The following UBASH3B variants were observed in gnomAD, a reference collection of about 807,000 sequenced individuals.
UBASH3B encodes the protein ubiquitin-associated and SH3 domain-containing protein B.
A neutral mutation model predicts 83.4 loss-of-function variants in UBASH3B; 37 were observed. The observed-to-expected ratio is 0.44, with a 90% CI of 0.34 to 0.58. The LOEUF (loss-of-function observed/expected upper bound fraction) is 0.58. Ranked by LOEUF, UBASH3B falls within the 20% of genes least tolerant of loss-of-function variation. The pLI is 0.01. For synonymous variants in UBASH3B, 304 were observed against 318.3 expected (o/e 0.96, Z 0.48); for missense variants, 657 against 827.2 (o/e 0.79, Z 2.52).
In UBASH3B at chr11:122,776,251, G is replaced by A. The variant is rs773317341; in HGVS notation, c.194G>A (p.Ser65Asn). Residue 65 changes from serine (S) to asparagine (N), a missense_variant, in exon 2 of 14, where the codon AGT (serine) becomes AAT (asparagine). Coordinates refer to ENST00000284273, the MANE Select transcript of UBASH3B (RefSeq NM_032873.5). ...QKALASTGGR[S>N]VQAACDWLFS... is the part of the protein sequence containing the mutation. ...GCCTTGGCATCCACGGGAGGAAGAA[G>A]TGTTCAGGCAGCATGTGACTGGTTG... The A allele has an allele frequency of 5.6e-6, 9 of 1,609,422 alleles. No individual in the cohort carries two copies. The highest frequency in any genetic ancestry group is 6.8e-6 in the Non-Finnish European group (8 of 1,178,516).
At chr11:122,719,955 T>C (rs1290023665) in intron 1 of UBASH3B, among the ~76,000 whole-genome samples, 5 of 152,202 alleles carry the variant, frequency 3.3e-5, no homozygotes, top group African/African-American at 1.2e-4. Flanking sequence ...CAGTGCCTGC[T>C]TCTGCTCCAA....
intron 1 of UBASH3B, among the ~76,000 whole-genome samples, chr11:122,775,432 C>G (rs753991037): frequency 3.5e-4 from 53 of 152,218 alleles, no homozygotes; most frequent in Non-Finnish European, 6.2e-4. Flanking sequence ...CACTGATACT[C>G]ATCCTCAAAG....
intron 9 of UBASH3B, chr11:122,797,283 G>A (rs529377428): frequency 7.8e-6 from 3 of 386,986 alleles, no homozygotes; most frequent in African/African-American, 2.1e-5. Context: ...GTGGGTTACT[G>A]TGCTCACTCT....
intron 1 of UBASH3B, among the ~76,000 whole-genome samples, chr11:122,702,334 G>C (rs1864050873): frequency 6.6e-6 from 1 of 152,084 alleles, no homozygotes; most frequent in Admixed American, 6.6e-5. Flanking sequence ...TCTTTTTAAA[G>C]TACTTAAAGG....
chr11:122,709,987 C>A (rs1864170711), intron 1 of UBASH3B, among the ~76,000 whole-genome samples: 1 of 151,870 alleles, frequency 6.6e-6, no homozygotes, highest in Admixed American at 6.6e-5. Flanking sequence ...GAAAGCCCGT[C>A]TCCACTAAAA....
At chr11:122,767,936 G>T (rs192467525) in intron 1 of UBASH3B, among the ~76,000 whole-genome samples, 4 of 152,174 alleles carry the variant, frequency 2.6e-5, no homozygotes, top group Admixed American at 2.0e-4. Context: ...ATGTCTCTGC[G>T]TTTATTTGGA....
At chr11:122,793,697 G>C (rs529807073) in intron 6 of UBASH3B, among the ~76,000 whole-genome samples, 2 of 152,338 alleles carry the variant, frequency 1.3e-5, no homozygotes, top group Admixed American at 1.3e-4. Flanking sequence ...GGTTTTGACT[G>C]TCTTCCTTTC....
intron 1 of UBASH3B, among the ~76,000 whole-genome samples, chr11:122,668,407 T>C (rs1256462050): frequency 6.6e-6 from 1 of 152,246 alleles, no homozygotes; most frequent in Non-Finnish European, 1.5e-5. Flanking sequence ...CTCTTGCTTC[T>C]GGCCTTTTGT....
intron 1 of UBASH3B, among the ~76,000 whole-genome samples, chr11:122,761,114 T>C (rs1409011303): frequency 6.6e-6 from 1 of 152,182 alleles, no homozygotes; most frequent in African/African-American, 2.4e-5. Context: ...AGAGTGTCAG[T>C]TGGCAGGGCC....
At chr11:122,753,921 G>A (rs1010718509) in intron 1 of UBASH3B, among the ~76,000 whole-genome samples, 21 of 152,196 alleles carry the variant, frequency 1.4e-4, no homozygotes, top group Admixed American at 9.2e-4. Flanking sequence ...AAATGCATTC[G>A]ACAAATCAAG....
chr11:122,702,257 G>T (rs1260638059), intron 1 of UBASH3B, among the ~76,000 whole-genome samples: 1 of 152,182 alleles, frequency 6.6e-6, no homozygotes, highest in Non-Finnish European at 1.5e-5. Context: ...ATAGTTACGT[G>T]CAAGGAAACA....
intron 1 of UBASH3B, among the ~76,000 whole-genome samples, chr11:122,760,762 G>A (rs1485364288): frequency 6.6e-6 from 1 of 152,218 alleles, no homozygotes; most frequent in East Asian, 1.9e-4. Flanking sequence ...GACTCAGCAT[G>A]CCATGCTAAG....
At chr11:122,661,699 A>G (rs888168898) in intron 1 of UBASH3B, among the ~76,000 whole-genome samples, 2 of 152,134 alleles carry the variant, frequency 1.3e-5, no homozygotes, top group Non-Finnish European at 2.9e-5. Flanking sequence ...GAGGTAAAGC[A>G]CACAACATAT....
chr11:122,705,028 C>T (rs924174452), intron 1 of UBASH3B, among the ~76,000 whole-genome samples: 2 of 152,204 alleles, frequency 1.3e-5, no homozygotes, highest in Non-Finnish European at 2.9e-5. Flanking sequence ...GGAGCAGGCA[C>T]TAACCTGGCC....
chr11:122,750,055 T>G (rs992476884), intron 1 of UBASH3B, among the ~76,000 whole-genome samples: 1 of 152,338 alleles, frequency 6.6e-6, no homozygotes, highest in South Asian at 2.1e-4. Context: ...CTTAAACCAC[T>G]TTTATAGATG....
intron 1 of UBASH3B, among the ~76,000 whole-genome samples, chr11:122,704,012 G>T (rs935607763): frequency 2.6e-5 from 4 of 152,204 alleles, no homozygotes; most frequent in African/African-American, 9.6e-5. Flanking sequence ...CCTCAACAAT[G>T]ACTCACTTGG....
chr11:122,672,348 G>A (rs1863607454), intron 1 of UBASH3B, among the ~76,000 whole-genome samples: 1 of 151,536 alleles, frequency 6.6e-6, no homozygotes, highest in Admixed American at 6.6e-5. Flanking sequence ...TTGAGATGGA[G>A]TCTCCCTGTC....
intron 1 of UBASH3B, among the ~76,000 whole-genome samples, chr11:122,768,470 A>ATGTGTGTGTGTGTGTGTG (rs568912747): frequency 7.1e-6 from 1 of 140,074 alleles, no homozygotes; most frequent in Admixed American, 7.2e-5. Context: ...ATATATATGT[A>ATGTGTGTGTGTGTGTGTG]TGTGTGTGTG....
chr11:122,764,045 C>T (rs1163485642), intron 1 of UBASH3B, among the ~76,000 whole-genome samples: 1 of 152,004 alleles, frequency 6.6e-6, no homozygotes, highest in Non-Finnish European at 1.5e-5. Flanking sequence ...CCAACTCTAT[C>T]GGGTACAGAA....
Sources: allele counts gnomAD v4.1 joint callset (sites outside exome capture counted in the v4.1 genomes callset), GRCh38; gene constraint gnomAD v4.1.1; transcripts MANE v1.5; gene names NCBI Gene and HGNC (gene_info 2026-07-23, HGNC 2026-07-21).